The following UNC5D variants were observed in gnomAD, a reference collection of about 807,000 sequenced individuals.
UNC5D encodes the protein netrin receptor UNC5D.
In UNC5D, 39 loss-of-function variants were observed where a neutral mutation model predicts 105.4. The observed-to-expected ratio is 0.37, with a 90% CI of 0.29 to 0.48. UNC5D has a LOEUF of 0.48. Ranked by LOEUF, UNC5D falls within the 20% of genes least tolerant of loss-of-function variation. The pLI is 0.98. For missense variants in UNC5D, 991 were observed against 1,202.4 expected (o/e 0.82, Z 2.60); for synonymous variants, 452 against 450.4 (o/e 1.00, Z -0.04).
intron 4 of UNC5D, among the ~76,000 whole-genome samples, chr8:35,658,773 T>C (rs575332345): frequency 6.7e-6 from 1 of 149,044 alleles, no homozygotes; most frequent in South Asian, 2.2e-4. Flanking sequence ...CACCTCAGCC[T>C]CCGGAGTAGC....
intron 1 of UNC5D, among the ~76,000 whole-genome samples, chr8:35,305,883 TTCTTTCTTTTTCTC>T (rs1047192167): frequency 2.2e-5 from 3 of 133,886 alleles, no homozygotes; most frequent in African/African-American, 8.2e-5. Context: ...CTTTCTTTCT[TTCTTTCTTTTTCTC>T]TCTTTCTTTT....
At chr8:35,244,343 G>C (rs1802962580) in intron 1 of UNC5D, among the ~76,000 whole-genome samples, 1 of 152,166 alleles carries the variant, frequency 6.6e-6, no homozygotes. Flanking sequence ...TACTGAGGTG[G>C]GATGATACAG....
rs144705707 is a variant in UNC5D, at chr8:35,443,540, T to C, written c.104-105752T>C. 1.9e-3 allele frequency among the ~76,000 whole-genome samples: 286 copies of C among 151,952 alleles called. 2 individuals carry two copies. The highest frequency in any genetic ancestry group is 7.2e-3 in the Admixed American group (110 of 15,236). ...GATGGTGGGTTTAGTTCTTTGGTGA[T>C]CTGCAAAAGAAAGCTGACAGATCTC... is the stretch of plus-strand genomic sequence containing the variant. On this transcript the variant is annotated intron_variant, in intron 1 of 16. Coordinates refer to ENST00000404895, the MANE Select transcript of UNC5D (RefSeq NM_080872.4).
chr8:35,288,489 A>G (rs1190979287), intron 1 of UNC5D, among the ~76,000 whole-genome samples: 1 of 152,216 alleles, frequency 6.6e-6, no homozygotes, highest in African/African-American at 2.4e-5. Context: ...AGCTGAAAGA[A>G]AAGGCTTTTA....
intron 1 of UNC5D, among the ~76,000 whole-genome samples, chr8:35,304,294 A>G (rs1354672012): frequency 6.6e-6 from 1 of 152,004 alleles, no homozygotes; most frequent in African/African-American, 2.4e-5. Context: ...TTGACAGCAC[A>G]TTTTACTCTA....
intron 1 of UNC5D, among the ~76,000 whole-genome samples, chr8:35,274,519 T>G (rs942269681): frequency 6.6e-6 from 1 of 152,172 alleles, no homozygotes; most frequent in Non-Finnish European, 1.5e-5. Flanking sequence ...GTGTCCAGCC[T>G]AGAAGACGAC....
intron 1 of UNC5D, among the ~76,000 whole-genome samples, chr8:35,309,880 C>G (rs1174720628): frequency 1.3e-5 from 2 of 152,104 alleles, no homozygotes; most frequent in Non-Finnish European, 2.9e-5. Context: ...TACAGATAAT[C>G]AAAACAATTG....
At chr8:35,725,873 G>A (rs1828831471) in intron 9 of UNC5D, among the ~76,000 whole-genome samples, 1 of 152,142 alleles carries the variant, frequency 6.6e-6, no homozygotes, top group Admixed American at 6.5e-5. Flanking sequence ...CAGAGAGAGT[G>A]CCAGAAATAC....
intron 16 of UNC5D, among the ~76,000 whole-genome samples, chr8:35,784,882 T>C (rs1453873286): frequency 6.6e-6 from 1 of 152,176 alleles, no homozygotes; most frequent in Admixed American, 6.5e-5. Context: ...GAAAAGGCTA[T>C]AACAAAAGGT....
At chr8:35,399,322 G>A (rs1804303456) in intron 1 of UNC5D, among the ~76,000 whole-genome samples, 2 of 151,924 alleles carry the variant, frequency 1.3e-5, no homozygotes, top group South Asian at 4.2e-4. Context: ...TCCTTTGAGT[G>A]GTAATCCAGA....
At position 35,748,635 on chromosome 8, in the gene UNC5D, T is replaced by A; in HGVS notation, c.1875T>A (p.Asp625Glu). 6.2e-7 allele frequency: 1 copy of A among 1,614,100 alleles called. No individual in the cohort carries two copies. Among genetic ancestry groups the A allele is most frequent in the Non-Finnish European group, 8.5e-7 (1 of 1,179,940 alleles). The change falls in exon 12 of 17, where the codon GAT (aspartate) becomes GAA (glutamate). Residue 625 changes from aspartate to glutamate, a missense_variant. Physicochemically the swap from Asp to Glu is conservative, Grantham distance 45. This residue lies in a region of UNC5D where 944 missense variants were observed against 1,131.6 expected (regional missense o/e 0.83). Coordinates refer to ENST00000404895, the MANE Select transcript of UNC5D (RefSeq NM_080872.4). ...CATTGACCATCCCGCACTGTGCAGA[T>A]GTCAGTTCTGAGCATTGGAATATCC... ...PFALTIPHCA[D>E]VSSEHWNIHL...
At chr8:35,335,740 GAAATGAGAGATTGCAATT>G (rs1360362657) in intron 1 of UNC5D, among the ~76,000 whole-genome samples, 14 of 144,132 alleles carry the variant, frequency 9.7e-5, no homozygotes, top group African/African-American at 3.1e-4. Context: ...AGGATAGAAT[GAAATGAGAGATTGCAATT>G]TTTTTTTTTT....
chr8:35,245,033 A>T (rs1803005307), intron 1 of UNC5D, among the ~76,000 whole-genome samples: 1 of 152,122 alleles, frequency 6.6e-6, no homozygotes, highest in African/African-American at 2.4e-5. Context: ...AATTAATTAA[A>T]TAAATATGCC....
intron 1 of UNC5D, among the ~76,000 whole-genome samples, chr8:35,271,705 A>ATG (rs1805384591): frequency 1.3e-4 from 6 of 46,664 alleles, no homozygotes; most frequent in Non-Finnish European, 1.4e-4. Context: ...ACATGTATAC[A>ATG]TATATATTTA....
intron 16 of UNC5D, among the ~76,000 whole-genome samples, chr8:35,774,893 C>CT (rs1202835253): frequency 1.4e-5 from 2 of 144,330 alleles, no homozygotes; most frequent in African/African-American, 5.7e-5. Context: ...CACCACTGCA[C>CT]TCCAGCATGG....
chr8:35,622,598 T>C (rs1821426668), intron 4 of UNC5D, among the ~76,000 whole-genome samples: 1 of 152,194 alleles, frequency 6.6e-6, no homozygotes, highest in South Asian at 2.1e-4. Flanking sequence ...AATAAGATAA[T>C]GTCTTTTTAA....
At chr8:35,643,721 C>T (rs1480825480) in intron 4 of UNC5D, among the ~76,000 whole-genome samples, 1 of 152,074 alleles carries the variant, frequency 6.6e-6, no homozygotes, top group Non-Finnish European at 1.5e-5. Context: ...TGCATGACTT[C>T]AGAGTCACTT....
chr8:35,420,610 C>T (rs1805835275), intron 1 of UNC5D, among the ~76,000 whole-genome samples: 1 of 152,176 alleles, frequency 6.6e-6, no homozygotes, highest in Non-Finnish European at 1.5e-5. Flanking sequence ...TGCAAAGACA[C>T]CAGTTCCCTC....
chr8:35,541,185 G>A (rs1815248339), intron 1 of UNC5D, among the ~76,000 whole-genome samples: 2 of 152,160 alleles, frequency 1.3e-5, no homozygotes, highest in African/African-American at 4.8e-5. Context: ...GGTCAAAGAC[G>A]ATTTATGGAC....
Sources: allele counts gnomAD v4.1 joint callset (sites outside exome capture counted in the v4.1 genomes callset), GRCh38; gene constraint gnomAD v4.1.1; regional missense constraint gnomAD v4.1.1; transcripts MANE v1.5; gene names NCBI Gene and HGNC (gene_info 2026-07-23, HGNC 2026-07-21).